ZNF76: variants seen among roughly 807,000 people sequenced by gnomAD.
The protein encoded by ZNF76 is zinc finger protein 76, also known as zinc finger protein 523.
Under a neutral mutation model 66.9 loss-of-function variants are expected in ZNF76, and 66 were observed. The observed-to-expected ratio is 0.99, with a 90% CI of 0.81 to 1.21. The LOEUF (loss-of-function observed/expected upper bound fraction) is 1.21, where lower values mean the gene tolerates loss of function less well. Among genes scored for constraint, ZNF76 ranks in the 50% most tolerant of loss-of-function variants. The pLI, the probability that ZNF76 is intolerant of heterozygous loss-of-function variation, is 0.00. For synonymous variants in ZNF76, 275 were observed against 296.1 expected (o/e 0.93, Z 0.73); for missense variants, 729 against 760.3 (o/e 0.96, Z 0.48).
At chr6:35,264,483 A>AC (rs1243833845) in intron 1 of ZNF76, among the ~76,000 whole-genome samples, 1 of 152,182 alleles carries the variant, frequency 6.6e-6, no homozygotes, top group Admixed American at 6.5e-5. Flanking sequence ...AACAGAGGAA[A>AC]CCAAGGAGGC....
intron 1 of ZNF76, among the ~76,000 whole-genome samples, chr6:35,274,878 G>A (rs1787649318): frequency 6.6e-6 from 1 of 152,194 alleles, no homozygotes; most frequent in Non-Finnish European, 1.5e-5. Context: ...CAGCAGGCCG[G>A]GTGCAGTGGC....
At chr6:35,281,547 TCA>T (rs1788774422) in intron 2 of ZNF76, among the ~76,000 whole-genome samples, 1 of 152,226 alleles carries the variant, frequency 6.6e-6, no homozygotes. Flanking sequence ...ATATCCCCTG[TCA>T]CAGTTTTTTA....
chr6:35,292,476 C>A lies in ZNF76; in HGVS notation c.932-78C>A. ...CCCTCTGGCTCTCCCTTCACCAACC[C>A]TGTCCCTCACCCCTGTCCCCTTAGT... On this transcript the variant is annotated intron_variant, in intron 9 of 13. Transcript: ENST00000373953. The surrounding 1 kb of genome is among the most constrained non-coding windows in gnomAD (Gnocchi z 4.7). 6.7e-7 allele frequency: 1 copy of A among 1,497,136 alleles called. No homozygotes were observed. The highest frequency in any genetic ancestry group is 1.2e-5 in the South Asian group (1 of 85,780). 92.7% of individuals were successfully genotyped at this position (1,497,136 alleles called of 1,614,324 possible).
At chr6:35,284,921 G>A (rs1032643748) in intron 2 of ZNF76, among the ~76,000 whole-genome samples, 1 of 152,042 alleles carries the variant, frequency 6.6e-6, no homozygotes, top group Non-Finnish European at 1.5e-5. Flanking sequence ...ACATAGCTCA[G>A]GCTGGTCTCA....
chr6:35,284,086 T>A (rs575212785), intron 2 of ZNF76, among the ~76,000 whole-genome samples: 76 of 152,230 alleles, frequency 5.0e-4, no homozygotes, highest in Non-Finnish European at 3.4e-4. Context: ...ACTTTTTTTT[T>A]ATTTTTTCTT....
chr6:35,261,720 A>C (rs1260327331), intron 1 of ZNF76, among the ~76,000 whole-genome samples: 1 of 151,938 alleles, frequency 6.6e-6, no homozygotes, highest in Non-Finnish European at 1.5e-5. Context: ...CTTGATCCCT[A>C]AGGTTTCTGT....
chr6:35,294,462 A>G lies in ZNF76; in HGVS notation c.1501A>G (p.Ile501Val), dbSNP rs115279302. 2.6e-4 allele frequency: 417 copies of G among 1,613,116 alleles called. No individual in the cohort carries two copies. Among genetic ancestry groups the G allele is most frequent in the Non-Finnish European group, 3.1e-4 (370 of 1,179,230 alleles). The change falls in exon 13 of 14, where the codon ATC (isoleucine) becomes GTC (valine). Residue 501 changes from isoleucine (I) to valine (V), a missense_variant. By Grantham distance (29) the Ile-to-Val change is conservative. Transcript: ENST00000373953. Reference protein sequence around the residue: ...ADGTQTQPVTIITSGAVVAED... With the variant: ...ADGTQTQPVTVITSGAVVAED... ...ACCTCCTTTTGTCTTTCAGGTCACAATCATTACCTCTGGGGCTGTGGTGGC... is the reference window on the plus strand; with the variant it reads ...ACCTCCTTTTGTCTTTCAGGTCACAGTCATTACCTCTGGGGCTGTGGTGGC...
At chr6:35,286,275 C>G in intron 3 of ZNF76, 47 bp from the exon 4 acceptor site, 1 of 1,613,358 alleles carries the variant, frequency 6.2e-7, no homozygotes, top group African/African-American at 1.3e-5. Context: ...AGGGACCCCT[C>G]CATGGCACTG....
intron 8 of ZNF76, 29 bp from the exon 9 acceptor site, chr6:35,291,529 C>T (rs1181062666): frequency 6.2e-7 from 1 of 1,607,790 alleles, no homozygotes; most frequent in Admixed American, 1.7e-5. Flanking sequence ...CTTTCCCACA[C>T]CCCTCCTCAC....
intron 1 of ZNF76, among the ~76,000 whole-genome samples, chr6:35,273,111 G>C (rs1328891473): frequency 6.6e-6 from 1 of 150,644 alleles, no homozygotes; most frequent in African/African-American, 2.4e-5. Context: ...AGCTGAGCTC[G>C]CACCACTGCA....
rs921561660 is a variant in ZNF76 at position 35,290,708 on chromosome 6, T to G, written c.617T>G (p.Phe206Cys). Reference sequence around the variant, plus strand: ...GACTTCCCCAGCTGTGGAAAGGCCTTTGCCACAGGTAACCTGCCTGGTGGG... The same window carrying G: ...GACTTCCCCAGCTGTGGAAAGGCCTGTGCCACAGGTAACCTGCCTGGTGGG... ...RCDFPSCGKAFATGYGLKSHV... is the reference protein window; with the variant it reads ...RCDFPSCGKACATGYGLKSHV... Residue 206 changes from phenylalanine (F) to cysteine (C), a missense_variant, in exon 7 of 14, where the codon TTT becomes TGT. By Grantham distance (205) the Phe-to-Cys change is radical. Coordinates refer to ENST00000373953, the MANE Select transcript of ZNF76 (RefSeq NM_003427.5). 6.2e-7 allele frequency: 1 copy of G among 1,614,178 alleles called. No homozygotes were observed. Among genetic ancestry groups the G allele is most frequent in the Non-Finnish European group, 8.5e-7 (1 of 1,180,008 alleles).
At chr6:35,286,476 G>A (rs1440160942) in intron 4 of ZNF76, 77 bp downstream of exon 4, 9 of 1,360,780 alleles carry the variant, frequency 6.6e-6, no homozygotes, top group Non-Finnish European at 8.3e-6. Context: ...CTGGAGGATG[G>A]GATGGCACAC....
intron 1 of ZNF76, among the ~76,000 whole-genome samples, chr6:35,265,497 A>G (rs1225080845): frequency 1.4e-5 from 2 of 146,332 alleles, no homozygotes; most frequent in African/African-American, 5.2e-5. Flanking sequence ...ACAGAGCGAG[A>G]CTCTGTCTCA....
chr6:35,278,782 A>G (rs1212749574), intron 1 of ZNF76, among the ~76,000 whole-genome samples: 1 of 152,250 alleles, frequency 6.6e-6, no homozygotes, highest in Non-Finnish European at 1.5e-5. Flanking sequence ...CAGTGGGTAC[A>G]GAAGATATCC....
intron 1 of ZNF76, among the ~76,000 whole-genome samples, chr6:35,266,455 G>A (rs1786090889): frequency 6.6e-6 from 1 of 152,158 alleles, no homozygotes; most frequent in Admixed American, 6.5e-5. Context: ...TACTGAAATT[G>A]GGGAGCCTGG....
intron 1 of ZNF76, chr6:35,279,352 T>C (rs976620417): frequency 1.2e-5 from 2 of 161,190 alleles, no homozygotes; most frequent in African/African-American, 4.8e-5. Context: ...TGTTCTTTGC[T>C]TTATACATGT....
chr6:35,266,381 G>A (rs1162706898), intron 1 of ZNF76, among the ~76,000 whole-genome samples: 1 of 152,076 alleles, frequency 6.6e-6, no homozygotes, highest in Non-Finnish European at 1.5e-5. Context: ...TCAAACTCCT[G>A]AACTCGTGAT....
intron 1 of ZNF76, among the ~76,000 whole-genome samples, chr6:35,267,388 C>T (rs538414995): frequency 6.6e-6 from 1 of 152,336 alleles, no homozygotes; most frequent in South Asian, 2.1e-4. Context: ...TGAGTCACCA[C>T]ACCCAGCCAA....
At position 35,290,332 on chromosome 6, in the gene ZNF76, T is replaced by C; in HGVS notation, c.499T>C (p.Cys167Arg). 1 of 1,614,236 alleles carries C rather than the reference T, an allele frequency of 6.2e-7. No homozygotes were observed. The highest frequency in any genetic ancestry group is 8.5e-7 in the Non-Finnish European group (1 of 1,180,036). ...GQQVGDRAFR[C>R]GYKGCGRLYT... ...GCAAGTTGGAGACAGAGCATTCCGC[T>C]GTGGCTACAAGGGCTGTGGGCGTCT... Residue 167 changes from cysteine (C) to arginine (R), a missense_variant, in exon 6 of 14, where the codon TGT (cysteine) becomes CGT (arginine). Transcript: ENST00000373953.
Sources: allele counts gnomAD v4.1 joint callset (sites outside exome capture counted in the v4.1 genomes callset), GRCh38; gene constraint gnomAD v4.1.1; non-coding constraint Gnocchi (gnomAD v3.1); transcripts MANE v1.5; gene names NCBI Gene and HGNC (gene_info 2026-07-23, HGNC 2026-07-21).